The following REV3L variants were observed in gnomAD, a reference collection of about 807,000 sequenced individuals.
The protein encoded by REV3L is REV3 like, DNA directed polymerase zeta catalytic subunit, also known as DNA polymerase zeta catalytic subunit.
A neutral mutation model predicts 299.4 loss-of-function variants in REV3L; 69 were observed. The observed-to-expected ratio is 0.23, with a 90% confidence interval of 0.19 to 0.28. The LOEUF is 0.28. Ranked by LOEUF, REV3L falls within the 10% of genes least tolerant of loss-of-function variation. The probability of loss-of-function intolerance (pLI) is 1.00; values close to 1 mark genes in which losing one functional copy is unlikely to be tolerated. For synonymous variants in REV3L, 1,238 were observed against 1,271.4 expected (o/e 0.97, Z 0.56); for missense variants, 3,128 against 3,693.8 (o/e 0.85, Z 3.97).
chr6:111,343,598 C>T (rs749533897), intron 21 of REV3L, among the ~76,000 whole-genome samples: 2 of 152,164 alleles, frequency 1.3e-5, no homozygotes, highest in East Asian at 1.9e-4. Context: ...GGCACGATCT[C>T]GGCTCACTGC....
chr6:111,400,904 G>T (rs148856684), intron 4 of REV3L, among the ~76,000 whole-genome samples: 32 of 152,200 alleles, frequency 2.1e-4, no homozygotes, highest in African/African-American at 7.7e-4. Flanking sequence ...TGACGTATAA[G>T]GTGTGAAGAA....
chr6:111,430,992 A>T, intron 1 of REV3L: 10 of 1,572,454 alleles, frequency 6.4e-6, no homozygotes. Context: ...GGGTTCAAAG[A>T]GGACAAAAGA....
At chr6:111,452,852 T>C (rs1364179645) in intron 1 of REV3L, among the ~76,000 whole-genome samples, 1 of 152,172 alleles carries the variant, frequency 6.6e-6, no homozygotes, top group Non-Finnish European at 1.5e-5. Context: ...GCCCCTCATA[T>C]TACCTGTCAC....
intron 31 of REV3L, among the ~76,000 whole-genome samples, chr6:111,301,398 T>C (rs1033807837): frequency 6.6e-6 from 1 of 151,616 alleles, no homozygotes; most frequent in African/African-American, 2.4e-5. Flanking sequence ...CGTACACCCC[T>C]CCCCTTTTGA....
chr6:111,389,007 G>T, intron 7 of REV3L, 99 bp downstream of exon 7: 1 of 860,542 alleles, frequency 1.2e-6, no homozygotes. Context: ...AAGGTCATTT[G>T]AAAAGTAAAA....
intron 31 of REV3L, among the ~76,000 whole-genome samples, chr6:111,305,573 T>TGA (rs1418134659): frequency 4.6e-5 from 7 of 151,716 alleles, no homozygotes; most frequent in Non-Finnish European, 1.0e-4. Flanking sequence ...GGTGACAAAG[T>TGA]GAGACCCTAC....
At chr6:111,465,087 T>TG (rs1478528359) in intron 1 of REV3L, among the ~76,000 whole-genome samples, 1 of 147,274 alleles carries the variant, frequency 6.8e-6, no homozygotes, top group African/African-American at 2.5e-5. Context: ...TTTTATTTGT[T>TG]TTTTTTTTTT....
At chr6:111,380,240 T>C in intron 10 of REV3L, 21 bp from the exon 11 acceptor site, 2 of 1,474,128 alleles carry the variant, frequency 1.4e-6, no homozygotes, top group Admixed American at 1.9e-5. Flanking sequence ...AGTACAATAA[T>C]CACCAACAAA....
chr6:111,305,415 A>T (rs1490404956), intron 31 of REV3L, among the ~76,000 whole-genome samples: 1 of 151,744 alleles, frequency 6.6e-6, no homozygotes, highest in Non-Finnish European at 1.5e-5. Flanking sequence ...ACATAGTGAG[A>T]CCCGATGTCT....
intron 18 of REV3L, among the ~76,000 whole-genome samples, chr6:111,354,710 A>T (rs950693371): frequency 5.3e-5 from 8 of 152,168 alleles, no homozygotes; most frequent in Non-Finnish European, 1.0e-4. Context: ...GGTTTTATTC[A>T]TTCTATCAGG....
chr6:111,365,097 A>C (rs1303122790), intron 15 of REV3L, among the ~76,000 whole-genome samples, 168 bp downstream of exon 15: 1 of 152,000 alleles, frequency 6.6e-6, no homozygotes, highest in Non-Finnish European at 1.5e-5. Context: ...ATCAAAAAAA[A>C]AACTAAAAAA....
intron 30 of REV3L, among the ~76,000 whole-genome samples, chr6:111,308,696 C>G (rs1772621491): frequency 6.6e-6 from 1 of 152,190 alleles, no homozygotes; most frequent in Admixed American, 6.5e-5. Context: ...CTTAGACATT[C>G]ATTTCGAAGG....
At chr6:111,371,874 TAG>T (rs1289178017) in intron 13 of REV3L, among the ~76,000 whole-genome samples, 1 of 152,006 alleles carries the variant, frequency 6.6e-6, no homozygotes, top group East Asian at 1.9e-4. Context: ...TAATTTTTTG[TAG>T]AGAGAGAGTC....
At chr6:111,401,076 T>C (rs193174760) in intron 4 of REV3L, among the ~76,000 whole-genome samples, 1 of 152,310 alleles carries the variant, frequency 6.6e-6, no homozygotes, top group East Asian at 1.9e-4. Flanking sequence ...ATTTCAAATA[T>C]AGGTCTATTT....
At chr6:111,457,986 T>C (rs890786376) in intron 1 of REV3L, among the ~76,000 whole-genome samples, 15 of 151,858 alleles carry the variant, frequency 9.9e-5, no homozygotes, top group African/African-American at 2.9e-4. Context: ...AAGGACATTA[T>C]ATGCAAAGAA....
At position 111,374,951 on chromosome 6, in the gene REV3L, C is replaced by T. The variant is rs767196861; in HGVS notation, c.3404G>A (p.Arg1135Lys). The part of the protein sequence containing the change: ...PPRCWSPTDP[R>K]AEEIMAAAEK... ...TGCAGCAGCCATGATTTCTTCAGCT[C>T]TTGGATCTGTGGGAGACCAGCAGCG... The change falls in exon 13 of 32, where the codon AGA (arginine) becomes AAA (lysine). Residue 1135 changes from arginine to lysine, a missense_variant. By Grantham distance (26) the Arg-to-Lys change is conservative. Coordinates refer to ENST00000368802, the MANE Select transcript of REV3L (RefSeq NM_001372078.1). The T allele has an allele frequency of 6.2e-7, 1 of 1,612,922 alleles. No individual in the cohort carries two copies. Among genetic ancestry groups the T allele is most frequent in the Non-Finnish European group, 8.5e-7 (1 of 1,179,654 alleles).
chr6:111,383,146 C>T (rs1221513749), intron 9 of REV3L, among the ~76,000 whole-genome samples: 15 of 152,178 alleles, frequency 9.9e-5, no homozygotes, highest in Admixed American at 9.2e-4. Flanking sequence ...GACATGCTGA[C>T]TTCAGGTGTG....
Position 111,315,803 on chromosome 6 carries a change from G to A in REV3L, c.8352-422C>T, listed in dbSNP as rs17540138. Among the ~76,000 whole-genome samples the A allele has an allele frequency of 2.4e-3, 365 of 152,284 alleles. 4 individuals are homozygous for A. Among genetic ancestry groups the A allele is most frequent in the South Asian group, 0.016 (79 of 4,822 alleles). On this transcript the variant is annotated intron_variant, in intron 26 of 31. Coordinates refer to ENST00000368802, the MANE Select transcript of REV3L (RefSeq NM_001372078.1). ...GAGCATGAACCCTATTGTGAACTGC[G>A]CACAAGTGAAGGATCTAGGTTGTGT...
At chr6:111,407,136 A>T (rs1482082104) in intron 3 of REV3L, among the ~76,000 whole-genome samples, 3 of 152,074 alleles carry the variant, frequency 2.0e-5, no homozygotes, top group African/African-American at 7.2e-5. Flanking sequence ...GCTAAAATTC[A>T]AATCAAAATT....
Sources: allele counts gnomAD v4.1 joint callset (sites outside exome capture counted in the v4.1 genomes callset), GRCh38; gene constraint gnomAD v4.1.1; transcripts MANE v1.5; gene names NCBI Gene and HGNC (gene_info 2026-07-23, HGNC 2026-07-21).